CCDC163: variants seen among roughly 807,000 people sequenced by gnomAD.
CCDC163 encodes the protein CCDC163 homolog.
A neutral mutation model predicts 8.2 loss-of-function variants in CCDC163; 13 were observed. That is an observed-to-expected ratio of 1.59 (90% confidence interval 1.04 to 2.54). CCDC163 has a LOEUF of 2.54. CCDC163 is among the 30% of genes most tolerant of loss of function. The pLI is 0.00. For missense variants in CCDC163, 117 were observed against 78.6 expected, an observed-to-expected ratio of 1.49 and a Z score of -1.85; for synonymous variants, 41 against 30.9, an observed-to-expected ratio of 1.33 and a Z score of -1.08.
In CCDC163 at chr1:45,496,537, A is replaced by G. The variant is rs1463824385; in HGVS notation, c.330+19T>C. 4 of 779,954 alleles carry G rather than the reference A, an allele frequency of 5.1e-6. No homozygotes were observed. Among genetic ancestry groups the G allele is most frequent in the Non-Finnish European group, 9.6e-6 (4 of 417,678 alleles). 48.3% of individuals were successfully genotyped at this position (779,954 alleles called of 1,614,324 possible). A position where few individuals can be genotyped will look rare whatever the true frequency, so the allele number is the denominator to read the frequency against. ...CTCCATAGAGAAATATGCAGAGACAAGTCTGAACCTAGTCCTACCTTCCAA... is the reference window on the plus strand; with the variant it reads ...CTCCATAGAGAAATATGCAGAGACAGGTCTGAACCTAGTCCTACCTTCCAA... On this transcript the variant is annotated intron_variant, in intron 4 of 4. Coordinates refer to ENST00000629482, the MANE Select transcript of CCDC163 (RefSeq NM_001102601.3).
Position 45,494,160 on chromosome 1 carries a change from G to A in CCDC163, c.*899C>T, listed in dbSNP as rs1450527382. ...GAGATGCCAAAGAGAGCCTCAAGCAGTAGAAGCTGGGGCTAGGCATGGTAG... is the reference window on the plus strand; with the variant it reads ...GAGATGCCAAAGAGAGCCTCAAGCAATAGAAGCTGGGGCTAGGCATGGTAG... On this transcript the variant is annotated 3_prime_UTR_variant, in exon 5 of 5. Coordinates refer to ENST00000629482, the MANE Select transcript of CCDC163 (RefSeq NM_001102601.3). 1 of 152,142 alleles carries A rather than the reference G, an allele frequency of 6.6e-6. No homozygotes were observed. The highest frequency in any genetic ancestry group is 1.5e-5 in the Non-Finnish European group (1 of 68,056). The allele number at this position is 152,142 out of a possible 1,614,324, so 9.4% of individuals were successfully genotyped here.
chr1:45,497,632 C>T (rs1252321279), intron 2 of CCDC163, among the ~76,000 whole-genome samples: 1 of 117,454 alleles, frequency 8.5e-6, no homozygotes, highest in Admixed American at 1.0e-4. Flanking sequence ...AGACTGCAGC[C>T]TCTGCCCGGC....
intron 2 of CCDC163, among the ~76,000 whole-genome samples, chr1:45,497,707 G>T (rs1557600437): frequency 6.7e-5 from 1 of 14,884 alleles, no homozygotes. Flanking sequence ...GGAGGGAGGT[G>T]GAGGGGGTCA....
Position 45,495,669 on chromosome 1 carries a change from T to C in CCDC163, c.331-503A>G, listed in dbSNP as rs1654055960. 13 of 144,466 alleles carry C rather than the reference T, an allele frequency of 9.0e-5. 1 individual carries two copies. The Admixed American group carries it at 9.1e-4, about 10-fold the overall frequency. The allele number at this position is 144,466 out of a possible 1,614,324, so 8.9% of individuals were successfully genotyped here. On this transcript the variant is annotated intron_variant, in intron 4 of 4. Transcript: ENST00000629482. ...GTCTCCTCCCTCTTTTTTTTTTTTT[T>C]TTTTTTTTTTTTTTTGAGATGGAGT... is the stretch of plus-strand genomic sequence containing the variant.
chr1:45,494,772 C>T lies in CCDC163; in HGVS notation c.*287G>A. 2.8e-6 allele frequency: 1 copy of T among 358,318 alleles called. No individual in the cohort carries two copies. The highest frequency in any genetic ancestry group is 5.4e-6 in the Non-Finnish European group (1 of 186,726). The allele number at this position is 358,318 out of a possible 1,614,324, so 22.2% of individuals were successfully genotyped here. ...AGAAGTTCAAGACCAGACTGGCCAACATGGTGAAACCCCATCTCTACTAAA... is the reference window on the plus strand; with the variant it reads ...AGAAGTTCAAGACCAGACTGGCCAATATGGTGAAACCCCATCTCTACTAAA... On this transcript the variant is annotated 3_prime_UTR_variant, in exon 5 of 5. Transcript: ENST00000629482.
chr1:45,495,332 T>C (rs983853862), intron 4 of CCDC163, 166 bp from the exon 5 acceptor site: 24 of 702,458 alleles, frequency 3.4e-5, no homozygotes, highest in Non-Finnish European at 6.0e-5. Context: ...CCATTCTACC[T>C]AGTGTTAAAT....
chr1:45,497,504 C>A, intron 2 of CCDC163, 121 bp from the exon 3 acceptor site: 1 of 606,278 alleles, frequency 1.6e-6, no homozygotes, highest in South Asian at 1.9e-5. Context: ...TCAAAGGCCT[C>A]AAGAAGGCAA....
At position 45,499,741 on chromosome 1, in the gene CCDC163, A is replaced by C; in HGVS notation, c.-132T>G. The C allele has an allele frequency of 1.6e-6, 1 of 644,284 alleles. No homozygotes were observed. Among genetic ancestry groups the C allele is most frequent in the East Asian group, 2.7e-5 (1 of 36,816 alleles). 39.9% of individuals were successfully genotyped at this position (644,284 alleles called of 1,614,324 possible). A position where few individuals can be genotyped will look rare whatever the true frequency, so the allele number is the denominator to read the frequency against. On this transcript the variant is annotated 5_prime_UTR_variant, in exon 1 of 5. Transcript: ENST00000629482. ...GGAAAGAGGGAAGTGGGGATGCAAC[A>C]CTGGGGTAGGTGGATGCACTATCAG...
intron 4 of CCDC163, 131 bp from the exon 5 acceptor site, chr1:45,495,297 G>C: frequency 1.4e-6 from 1 of 711,234 alleles, no homozygotes; most frequent in South Asian, 1.5e-5. Context: ...ACAGAGGTCA[G>C]TGAGTTCACA....
At chr1:45,499,217 G>A (rs1643461922) in intron 2 of CCDC163, 128 bp downstream of exon 2, 2 of 692,696 alleles carry the variant, frequency 2.9e-6, no homozygotes, top group Admixed American at 2.1e-5. Context: ...TAAGTGCAGG[G>A]TCTGTGTGGG....
At position 45,495,043 on chromosome 1, in the gene CCDC163, AG is replaced by A; in HGVS notation, c.*15del. The A allele has an allele frequency of 2.6e-6, 2 of 780,810 alleles. No homozygotes were observed. The highest frequency in any genetic ancestry group is 2.7e-5 in the South Asian group (2 of 74,620). 48.4% of individuals were successfully genotyped at this position (780,810 alleles called of 1,614,324 possible). A position where few individuals can be genotyped will look rare whatever the true frequency, so the allele number is the denominator to read the frequency against. The stretch of plus-strand genomic sequence containing the variant: ...AGCCTTCATCCTACTATTCTTAACG[AG>A]TCCTTACAGGTCATTCAGGAGCATT... On this transcript the variant is annotated 3_prime_UTR_variant, in exon 5 of 5. Coordinates refer to ENST00000629482, the MANE Select transcript of CCDC163 (RefSeq NM_001102601.3).
chr1:45,497,671 T>C (rs1430492690), intron 2 of CCDC163, among the ~76,000 whole-genome samples: 75 of 59,584 alleles, frequency 1.3e-3, no homozygotes, highest in East Asian at 2.2e-3. Flanking sequence ...GTGAGGAGCG[T>C]CTCCGCCCGG....
intron 2 of CCDC163, among the ~76,000 whole-genome samples, chr1:45,497,674 C>G (rs1342617554): frequency 1.2e-5 from 1 of 81,304 alleles, no homozygotes; most frequent in Non-Finnish European, 2.4e-5. Context: ...AGGAGCGTCT[C>G]CGCCCGGCAG....
At chr1:45,497,619 C>A (rs1310425714) in intron 2 of CCDC163, among the ~76,000 whole-genome samples, 2 of 124,762 alleles carry the variant, frequency 1.6e-5, no homozygotes, top group African/African-American at 3.2e-5. Context: ...TCCCAAAGTG[C>A]CGAGACTGCA....
rs576205116 is a variant in CCDC163, at chr1:45,497,167, G to A, written c.262+132C>T. 7.0e-5 allele frequency: 38 copies of A among 546,236 alleles called. 1 individual carries two copies. In the East Asian group the frequency reaches 9.3e-4, roughly 13 times the overall value. The allele number at this position is 546,236 out of a possible 1,614,324, so 33.8% of individuals were successfully genotyped here. A position where few individuals can be genotyped will look rare whatever the true frequency, so the allele number is the denominator to read the frequency against. ...CAGCCTTGGCAACAGGCAACAGAGC[G>A]AGGCTGGGCAACAGAGCAAGACTCC... On this transcript the variant is annotated intron_variant, in intron 3 of 4. Coordinates refer to ENST00000629482, the MANE Select transcript of CCDC163 (RefSeq NM_001102601.3).
chr1:45,497,801 T>C (rs1440628588), intron 2 of CCDC163, among the ~76,000 whole-genome samples: 1 of 135,998 alleles, frequency 7.4e-6, no homozygotes. Flanking sequence ...ATCCGGGAGG[T>C]GAGGGGTGCC....
At chr1:45,495,610 C>G in intron 4 of CCDC163, 1 of 671,946 alleles carries the variant, frequency 1.5e-6, no homozygotes, top group Non-Finnish European at 2.7e-6. Context: ...CCTTCCAACA[C>G]AGAACTGTCC....
chr1:45,496,982 G>A (rs1035055015), intron 3 of CCDC163, among the ~76,000 whole-genome samples: 3 of 152,176 alleles, frequency 2.0e-5, no homozygotes, highest in South Asian at 2.1e-4. Flanking sequence ...CCAACATGGT[G>A]AAACCCCATT....
rs761350578 is a variant in CCDC163, at chr1:45,499,553, A to T, written c.57T>A (p.Asp19Glu). 5 of 779,264 alleles carry T rather than the reference A, an allele frequency of 6.4e-6. No individual in the cohort carries two copies. Among genetic ancestry groups the T allele is most frequent in the South Asian group, 4.0e-5 (3 of 74,230 alleles). 48.3% of individuals were successfully genotyped at this position (779,264 alleles called of 1,614,324 possible). Residue 19 changes from aspartate to glutamate, a missense_variant, in exon 1 of 5, where the codon GAT (aspartate) becomes GAA (glutamate). Transcript: ENST00000629482. ...TCACCTTATTCCGGACCACATTTCC[A>T]TCAGTAGCGTTGAGAAGCACATCCA... ...EQLDVLLNATDGNVVRNKQWL... is the reference protein window; with the variant it reads ...EQLDVLLNATEGNVVRNKQWL...
Sources: allele counts gnomAD v4.1 joint callset (sites outside exome capture counted in the v4.1 genomes callset), GRCh38; gene constraint gnomAD v4.1.1; transcripts MANE v1.5; gene names NCBI Gene and HGNC (gene_info 2026-07-23, HGNC 2026-07-21).